Variants in GRM7 observed in about 807,000 individuals in gnomAD.
GRM7 encodes the protein glutamate metabotropic receptor 7, also known as metabotropic glutamate receptor 7.
In GRM7, 35 loss-of-function variants were observed where a neutral mutation model predicts 84.5. The ratio of observed to expected loss-of-function variants is 0.41; its 90% CI spans 0.32 to 0.55. The LOEUF (loss-of-function observed/expected upper bound fraction) is 0.55, where lower values mean the gene tolerates loss of function less well. GRM7 is among the 20% of genes least tolerant of loss of function. The probability of loss-of-function intolerance (pLI) is 0.19; values close to 1 mark genes in which losing one functional copy is unlikely to be tolerated. For missense variants in GRM7, 1,003 were observed against 1,194.6 expected (o/e 0.84, Z 2.36); for synonymous variants, 487 against 455.1 (o/e 1.07, Z -0.89).
chr3:7,291,543 T>A (rs1218434362), intron 2 of GRM7, among the ~76,000 whole-genome samples: 2 of 129,308 alleles, frequency 1.5e-5, no homozygotes, highest in Non-Finnish European at 1.6e-5. Flanking sequence ...TCTCTCTCTC[T>A]CTCTCTCTCT....
At chr3:7,459,275 T>TA (rs1321727643) in intron 6 of GRM7, among the ~76,000 whole-genome samples, 1 of 152,032 alleles carries the variant, frequency 6.6e-6, no homozygotes, top group Non-Finnish European at 1.5e-5. Flanking sequence ...TTTGGAAAAT[T>TA]AAAAAAATGT....
intron 2 of GRM7, among the ~76,000 whole-genome samples, chr3:7,147,371 A>C (rs17234983): frequency 0.26 from 39,147 of 152,088 alleles, 5,500 homozygotes; most frequent in Non-Finnish European, 0.32. Flanking sequence ...AGGTTTCCCC[A>C]TATGGATGTA....
intron 1 of GRM7, among the ~76,000 whole-genome samples, chr3:7,055,591 G>T (rs1697192049): frequency 6.6e-6 from 1 of 150,520 alleles, no homozygotes; most frequent in African/African-American, 2.4e-5. Context: ...CATGATCTTG[G>T]CTCACTGCAA....
intron 7 of GRM7, among the ~76,000 whole-genome samples, chr3:7,493,870 A>G (rs936513629): frequency 6.6e-6 from 1 of 152,078 alleles, no homozygotes; most frequent in Non-Finnish European, 1.5e-5. Flanking sequence ...GTATTAAAAT[A>G]TATGTACATG....
At chr3:7,417,398 A>G (rs1053398962) in intron 5 of GRM7, among the ~76,000 whole-genome samples, 1 of 152,044 alleles carries the variant, frequency 6.6e-6, no homozygotes, top group African/African-American at 2.4e-5. Context: ...CCTTTTTCCA[A>G]ATCCAACCAT....
intron 8 of GRM7, among the ~76,000 whole-genome samples, chr3:7,648,920 T>A (rs67336576): frequency 0.35 from 52,830 of 151,912 alleles, 10,077 homozygotes; most frequent in African/African-American, 0.51. Flanking sequence ...GTCTCCTACA[T>A]TTCAGTCAGA....
chr3:6,889,740 G>A (rs1040863971), intron 1 of GRM7, among the ~76,000 whole-genome samples: 6 of 151,962 alleles, frequency 3.9e-5, no homozygotes, highest in Non-Finnish European at 8.8e-5. Flanking sequence ...AATGATGCTG[G>A]CCTCAGCAAA....
intron 9 of GRM7, among the ~76,000 whole-genome samples, chr3:7,736,123 T>C (rs1702490712): frequency 6.6e-6 from 1 of 152,202 alleles, no homozygotes; most frequent in Non-Finnish European, 1.5e-5. Context: ...TCCACTTCTC[T>C]AGTTGATGAG....
intron 1 of GRM7, among the ~76,000 whole-genome samples, chr3:7,090,958 T>A (rs1698642348): frequency 6.6e-6 from 1 of 152,044 alleles, no homozygotes; most frequent in Admixed American, 6.6e-5. Flanking sequence ...AAGAAAGAAA[T>A]AGAATAGAGA....
chr3:7,084,561 T>G (rs2125001348), intron 1 of GRM7, among the ~76,000 whole-genome samples: 1 of 152,236 alleles, frequency 6.6e-6, no homozygotes, highest in Non-Finnish European at 1.5e-5. Flanking sequence ...ACTAAGAAAC[T>G]GGTGGAATCC....
rs111709961 is a variant in GRM7 at position 7,153,127 on chromosome 3, C to T, written c.736+6459C>T. Among the ~76,000 whole-genome samples the T allele has an allele frequency of 6.7e-5, 9 of 134,446 alleles. 1 individual carries two copies. Among genetic ancestry groups the T allele is most frequent in the African/African-American group, 2.6e-4 (9 of 34,448 alleles). The allele number at this position is 134,446 out of a possible 152,430, so 88.2% of individuals were successfully genotyped here. A position where few individuals can be genotyped will look rare whatever the true frequency, so the allele number is the denominator to read the frequency against. On this transcript the variant is annotated intron_variant, in intron 2 of 9. Coordinates refer to ENST00000357716, the MANE Select transcript of GRM7 (RefSeq NM_000844.4). ...GCAGCATTGCCCAGTAAGCTTGGTA[C>T]TGTGGATTTTTTTTTTTTTTTTTTT...
intron 1 of GRM7, among the ~76,000 whole-genome samples, chr3:7,082,619 A>G (rs1698310138): frequency 2.6e-5 from 4 of 152,118 alleles, no homozygotes; most frequent in South Asian, 4.1e-4. Context: ...GCTGCCATAG[A>G]TAGTGCTTCC....
chr3:7,719,608 C>G (rs182532590), intron 9 of GRM7, among the ~76,000 whole-genome samples: 1 of 152,104 alleles, frequency 6.6e-6, no homozygotes, highest in Non-Finnish European at 1.5e-5. Flanking sequence ...GTCAGGAGAT[C>G]GAGACCATCC....
At chr3:7,456,932 G>A (rs1376029472) in intron 6 of GRM7, among the ~76,000 whole-genome samples, 1 of 151,982 alleles carries the variant, frequency 6.6e-6, no homozygotes, top group African/African-American at 2.4e-5. Flanking sequence ...AACTTGACAT[G>A]TTTTACTCAT....
chr3:7,270,798 G>A (rs1698825146), intron 2 of GRM7, among the ~76,000 whole-genome samples: 1 of 152,184 alleles, frequency 6.6e-6, no homozygotes, highest in Non-Finnish European at 1.5e-5. Context: ...TAACCACTTC[G>A]ATTTTGGAGG....
chr3:6,950,825 G>A (rs112168116), intron 1 of GRM7, among the ~76,000 whole-genome samples: 2 of 152,198 alleles, frequency 1.3e-5, no homozygotes, highest in African/African-American at 4.8e-5. Flanking sequence ...AGCAGTGAGC[G>A]AGGCTCCATG....
chr3:6,976,792 G>A (rs1035652424), intron 1 of GRM7, among the ~76,000 whole-genome samples: 1 of 152,060 alleles, frequency 6.6e-6, no homozygotes, highest in African/African-American at 2.4e-5. Context: ...CATCTGCACT[G>A]CCAAATACTT....
intron 7 of GRM7, among the ~76,000 whole-genome samples, chr3:7,538,854 A>C (rs1039702354): frequency 6.6e-6 from 1 of 152,160 alleles, no homozygotes; most frequent in African/African-American, 2.4e-5. Flanking sequence ...TGCCAGATAA[A>C]CTTATGTTAT....
chr3:6,865,253 TA>T (rs565546267), intron 1 of GRM7, among the ~76,000 whole-genome samples: 3 of 152,058 alleles, frequency 2.0e-5, no homozygotes, highest in East Asian at 1.9e-4. Flanking sequence ...GTAACATATT[TA>T]AAAAAAATCA....
Sources: allele counts gnomAD v4.1 joint callset (sites outside exome capture counted in the v4.1 genomes callset), GRCh38; gene constraint gnomAD v4.1.1; transcripts MANE v1.5; gene names NCBI Gene and HGNC (gene_info 2026-07-23, HGNC 2026-07-21).